The following PLOD2 variants were observed in gnomAD, a reference collection of about 807,000 sequenced individuals.
The protein encoded by PLOD2 is lysine hydroxylase 2.
In PLOD2, 65 loss-of-function variants were observed where a neutral mutation model predicts 101.0. That is an observed-to-expected ratio of 0.64 (90% CI 0.53 to 0.79). The LOEUF is 0.79. Ranked by LOEUF, PLOD2 falls within the 30% of genes least tolerant of loss-of-function variation. PLOD2 has a pLI of 0.00. For synonymous variants in PLOD2, 314 were observed against 302.9 expected (o/e 1.04, Z -0.38); for missense variants, 909 against 914.6 (o/e 0.99, Z 0.08).
chr3:146,153,353 A>G (rs1159718641), intron 1 of PLOD2, among the ~76,000 whole-genome samples: 1 of 152,200 alleles, frequency 6.6e-6, no homozygotes, highest in South Asian at 2.1e-4. Context: ...AGAAACAGGA[A>G]GGAAAGATTT....
chr3:146,118,823 T>A (rs1267959985), intron 3 of PLOD2, among the ~76,000 whole-genome samples: 4 of 152,162 alleles, frequency 2.6e-5, no homozygotes, highest in African/African-American at 9.7e-5. Flanking sequence ...TGCGTGGTCT[T>A]TTTTCTTCTG....
chr3:146,086,798 T>C lies in PLOD2; in HGVS notation c.1116A>G (p.Arg372=). Residue 372 remains arginine (R), a synonymous_variant, in exon 10 of 20, where the codon AGA becomes AGG. Coordinates refer to ENST00000282903, the MANE Select transcript of PLOD2 (RefSeq NM_182943.3). Reference sequence around the variant, plus strand: ...TTATTAAAACATACATTCCCATGTTTCTGGCTTCCGCTTGACTTAGATTTT... The same window carrying C: ...TTATTAAAACATACATTCCCATGTTCCTGGCTTCCGCTTGACTTAGATTTT... The part of the protein sequence containing the change: ...PEENLSQAEA[R]NMGMDFCRQD... 1 of 1,478,892 alleles carries C rather than the reference T, an allele frequency of 6.8e-7. No individual in the cohort carries two copies. Among genetic ancestry groups the C allele is most frequent in the Non-Finnish European group, 9.2e-7 (1 of 1,090,808 alleles). The allele number at this position is 1,478,892 out of a possible 1,614,324, so 91.6% of individuals were successfully genotyped here.
intron 13 of PLOD2, 106 bp downstream of exon 13, chr3:146,079,010 C>T (rs1209185722): frequency 3.3e-6 from 4 of 1,200,672 alleles, no homozygotes; most frequent in Middle Eastern, 1.9e-4. Flanking sequence ...TTGGCTAGTA[C>T]TTACAAATTA....
At chr3:146,101,944 G>C (rs1350962336) in intron 7 of PLOD2, among the ~76,000 whole-genome samples, 2 of 152,150 alleles carry the variant, frequency 1.3e-5, no homozygotes, top group Admixed American at 1.3e-4. Context: ...CAGTTTGATG[G>C]AGCAGAAGTT....
chr3:146,123,579 C>T (rs1395078323), intron 2 of PLOD2, among the ~76,000 whole-genome samples: 2 of 152,044 alleles, frequency 1.3e-5, no homozygotes, highest in African/African-American at 4.8e-5. Context: ...GCACCCTCTT[C>T]ACATTTGTTT....
At chr3:146,154,454 C>T (rs1189872906) in intron 1 of PLOD2, among the ~76,000 whole-genome samples, 1 of 144,266 alleles carries the variant, frequency 6.9e-6, no homozygotes, top group Non-Finnish European at 1.5e-5. Context: ...TGTGAGAAGA[C>T]TAATAATAAA....
At chr3:146,090,297 G>A (rs1382519095) in intron 8 of PLOD2, among the ~76,000 whole-genome samples, 6 of 151,290 alleles carry the variant, frequency 4.0e-5, no homozygotes, top group African/African-American at 1.5e-4. Flanking sequence ...TTGAAAAACA[G>A]CTGTATATAG....
At position 146,161,000 on chromosome 3, in the gene PLOD2, C is replaced by A; in HGVS notation, c.-11G>T. ...CGTGCATCCCCCCATATTCGGCCCTCGAGGGCCGCGCGGGCTCAGGCGCCC... is the reference window on the plus strand; with the variant it reads ...CGTGCATCCCCCCATATTCGGCCCTAGAGGGCCGCGCGGGCTCAGGCGCCC... On this transcript the variant is annotated 5_prime_UTR_variant, in exon 1 of 20. Coordinates refer to ENST00000282903, the MANE Select transcript of PLOD2 (RefSeq NM_182943.3). 6.5e-7 allele frequency: 1 copy of A among 1,549,184 alleles called. No homozygotes were observed. Among genetic ancestry groups the A allele is most frequent in the Non-Finnish European group, 8.8e-7 (1 of 1,141,794 alleles).
chr3:146,087,318 A>C (rs1367721627), intron 9 of PLOD2, among the ~76,000 whole-genome samples: 2 of 151,984 alleles, frequency 1.3e-5, no homozygotes, highest in African/African-American at 4.8e-5. Flanking sequence ...AAAAATGTCT[A>C]CTAAGCATAA....
At chr3:146,083,578 T>C (rs140136850) in intron 11 of PLOD2, among the ~76,000 whole-genome samples, 2 of 28,944 alleles carry the variant, frequency 6.9e-5, no homozygotes, top group African/African-American at 2.8e-4. Context: ...AGTCTTTTTC[T>C]TTTTTTTTTT....
chr3:146,160,832 C>A, intron 1 of PLOD2, 49 bp downstream of exon 1: 1 of 1,208,446 alleles, frequency 8.3e-7, no homozygotes, highest in Non-Finnish European at 1.2e-6. Flanking sequence ...TGAACTGCCC[C>A]CCCGCCGGCC....
At chr3:146,114,017 G>C (rs1290493958) in intron 3 of PLOD2, among the ~76,000 whole-genome samples, 1 of 152,146 alleles carries the variant, frequency 6.6e-6, no homozygotes, top group Non-Finnish European at 1.5e-5. Context: ...CACGGTTGCA[G>C]ATAAGGGATG....
chr3:146,146,703 A>G (rs536282005), intron 1 of PLOD2, among the ~76,000 whole-genome samples: 36 of 152,172 alleles, frequency 2.4e-4, no homozygotes, highest in Non-Finnish European at 3.7e-4. Context: ...AATACTTCCA[A>G]TGGTGGGCTC....
chr3:146,120,725 T>G (rs1159594414), intron 3 of PLOD2, among the ~76,000 whole-genome samples: 1 of 152,092 alleles, frequency 6.6e-6, no homozygotes, highest in Admixed American at 6.6e-5. Flanking sequence ...CAATAATTCC[T>G]TGTCAATAAT....
chr3:146,155,154 G>A (rs2032237734), intron 1 of PLOD2, among the ~76,000 whole-genome samples: 1 of 143,562 alleles, frequency 7.0e-6, no homozygotes, highest in African/African-American at 2.5e-5. Context: ...CAACATGTAG[G>A]CTTTAAGGTG....
chr3:146,124,137 C>A lies in PLOD2; in HGVS notation c.201+1G>T, dbSNP rs753497692. ...TTCATAGGTTAAAGGATATACCATA[C>A]CTTCACAGTATAATTGAAATATTTG... is the stretch of plus-strand genomic sequence containing the variant. On this transcript the variant is annotated splice_donor_variant, in intron 2 of 19. Coordinates refer to ENST00000282903, the MANE Select transcript of PLOD2 (RefSeq NM_182943.3). LOFTEE classifies it high-confidence loss of function. 6.8e-7 allele frequency: 1 copy of A among 1,481,298 alleles called. No homozygotes were observed. 91.8% of individuals were successfully genotyped at this position (1,481,298 alleles called of 1,614,324 possible).
chr3:146,090,558 T>C (rs763073011), intron 8 of PLOD2, among the ~76,000 whole-genome samples: 18 of 151,700 alleles, frequency 1.2e-4, no homozygotes, highest in Non-Finnish European at 1.5e-4. Context: ...GGATAAATTT[T>C]TAAACATCTT....
chr3:146,096,877 A>G (rs1159294827), intron 7 of PLOD2, among the ~76,000 whole-genome samples: 409 of 17,918 alleles, frequency 0.023, 29 homozygotes, highest in Non-Finnish European at 0.026. Flanking sequence ...TCCGGGAGGG[A>G]GGTGGGGGGG....
chr3:146,088,401 T>C (rs760414786), intron 9 of PLOD2, among the ~76,000 whole-genome samples, 185 bp downstream of exon 9: 24 of 151,634 alleles, frequency 1.6e-4, no homozygotes, highest in Non-Finnish European at 1.6e-4. Context: ...GTGGCTCATA[T>C]CAATATTGTG....
Sources: allele counts gnomAD v4.1 joint callset (sites outside exome capture counted in the v4.1 genomes callset), GRCh38; gene constraint gnomAD v4.1.1; transcripts MANE v1.5; gene names NCBI Gene and HGNC (gene_info 2026-07-23, HGNC 2026-07-21).